Variants in ENGASE observed in about 807,000 individuals in gnomAD.
ENGASE encodes the protein endo-beta-N-acetylglucosaminidase.
A neutral mutation model predicts 78.5 loss-of-function variants in ENGASE; 69 were observed. The observed-to-expected ratio is 0.88, with a 90% CI of 0.72 to 1.07. The LOEUF is 1.07. Ranked by LOEUF, ENGASE falls within the 50% of genes least tolerant of loss-of-function variation. The pLI is 0.00. For missense variants in ENGASE, 943 were observed against 988.4 expected, an observed-to-expected ratio of 0.95 and a Z score of 0.62; for synonymous variants, 408 against 408.9, an observed-to-expected ratio of 1.00 and a Z score of 0.03.
intron 11 of ENGASE, among the ~76,000 whole-genome samples, chr17:79,084,982 A>C (rs959379029): frequency 7.2e-5 from 11 of 151,902 alleles, no homozygotes; most frequent in African/African-American, 2.4e-4. Context: ...TGGCGTGGAG[A>C]GGGGCGAGCA....
Position 79,085,945 on chromosome 17 carries a change from GCCAGCCTGCTGGC to G in ENGASE, c.1831_1843del (p.Ser611LeufsTer55). On this transcript the variant is annotated frameshift_variant, in exon 14 of 14. Transcript: ENST00000579016. LOFTEE classifies it low-confidence loss of function (END_TRUNC). ...TCTCTCCTGCCAGGTGGTGGACGCTGCCAGCCTGCTGGCCCCTCTGCCCCAGGTGCAGGCCGTC... is the reference window on the plus strand; with the variant it reads ...TCTCTCCTGCCAGGTGGTGGACGCTGCCCTCTGCCCCAGGTGCAGGCCGTC... 4 of 1,598,420 alleles carry G rather than the reference GCCAGCCTGCTGGC, an allele frequency of 2.5e-6. No homozygotes were observed. Among genetic ancestry groups the G allele is most frequent in the Non-Finnish European group, 3.4e-6 (4 of 1,176,294 alleles).
Position 79,085,392 on chromosome 17 carries a change from T to G in ENGASE, c.1700+50T>G, listed in dbSNP as rs78654125. On this transcript the variant is annotated intron_variant, in intron 12 of 13. Coordinates refer to ENST00000579016, the MANE Select transcript of ENGASE (RefSeq NM_001042573.3). ...CCTTCTCCCTCACTCAAGTCTCTGT[T>G]GGGAAACCCCAGAGCTGGAGGGATG... is the stretch of plus-strand genomic sequence containing the variant. The G allele has an allele frequency of 6.6e-4, 987 of 1,487,306 alleles. 7 individuals carry two copies. The African/African-American group carries it at 0.012, about 18-fold the overall frequency. The allele number at this position is 1,487,306 out of a possible 1,614,324, so 92.1% of individuals were successfully genotyped here. A position where few individuals can be genotyped will look rare whatever the true frequency, so the allele number is the denominator to read the frequency against.
rs373727535 is a variant in ENGASE at position 79,085,627 on chromosome 17, G to T, written c.1708G>T (p.Glu570Ter). The change falls in exon 13 of 14, where the codon GAG becomes TAG. Residue 570 changes from glutamate (E) to a stop codon, truncating the protein, a stop_gained. Coordinates refer to ENST00000579016, the MANE Select transcript of ENGASE (RefSeq NM_001042573.3). LOFTEE classifies it high-confidence loss of function. ...AGCCCTTTCGCCCCGTAGCTGCTAC[G>T]AGGTGAGCCTGCGTGGGTGCCTGCT... ...LSGGWVQHCY[E>*]VSLRGCLLLD... 2 of 1,613,740 alleles carry T rather than the reference G, an allele frequency of 1.2e-6. No individual in the cohort carries two copies.
At chr17:79,082,527 C>G (rs1335852852) in intron 7 of ENGASE, 4 of 1,212,578 alleles carry the variant, frequency 3.3e-6, no homozygotes, top group Non-Finnish European at 4.2e-6. Context: ...GCAGGTCACA[C>G]CAGCACAGAG....
chr17:79,082,004 G>A lies in ENGASE; in HGVS notation c.979G>A (p.Val327Met), dbSNP rs774118597. 12 of 1,614,120 alleles carry A rather than the reference G, an allele frequency of 7.4e-6. No homozygotes were observed. Among genetic ancestry groups the A allele is most frequent in the East Asian group, 4.5e-5 (2 of 44,896 alleles). The change falls in exon 7 of 14, where the codon GTG becomes ATG. Residue 327 changes from valine to methionine, a missense_variant. Transcript: ENST00000579016. ...QAGERRADVY[V>M]GVDVFARGNV... Reference sequence around the variant, plus strand: ...TGGGGAGCGCCGGGCTGATGTGTACGTGGGCGTGGATGTGTTTGCTCGAGG... The same window carrying A: ...TGGGGAGCGCCGGGCTGATGTGTACATGGGCGTGGATGTGTTTGCTCGAGG...
In ENGASE at chr17:79,083,847, G is replaced by T. The variant is rs768044853; in HGVS notation, c.1338G>T (p.Arg446=). 1 of 1,612,790 alleles carries T rather than the reference G, an allele frequency of 6.2e-7. No homozygotes were observed. The highest frequency in any genetic ancestry group is 1.1e-5 in the South Asian group (1 of 91,040). ...AACACAGGCTGGGAGGGGATGGCCG[G>T]GGCTGGGTGAGGACGCACTGCTGCC... The part of the protein sequence containing the change: ...FGEHRLGGDG[R]GWVRTHCCLE... Residue 446 remains arginine (R), a synonymous_variant, in exon 10 of 14, where the codon CGG becomes CGT. Transcript: ENST00000579016. The surrounding 1 kb of genome is among the most constrained non-coding windows in gnomAD (Gnocchi z 4.9).
intron 4 of ENGASE, 34 bp from the exon 5 acceptor site, chr17:79,080,173 C>T (rs200823742): frequency 1.0e-3 from 1,609 of 1,556,698 alleles, no homozygotes; most frequent in African/African-American, 3.1e-3. Flanking sequence ...AAGTGATTCC[C>T]GTGGCTGACC....
At chr17:79,079,764 T>A in intron 4 of ENGASE, 127 bp downstream of exon 4, 2 of 1,273,206 alleles carry the variant, frequency 1.6e-6, no homozygotes, top group Non-Finnish European at 2.1e-6. Flanking sequence ...GGGGGCCGCC[T>A]TGGTCGGCTA....
At chr17:79,075,209 T>C (rs2145962782) in intron 1 of ENGASE, 119 bp downstream of exon 1, 1 of 1,118,548 alleles carries the variant, frequency 8.9e-7, no homozygotes, top group Non-Finnish European at 1.1e-6. Flanking sequence ...CTGTGTCCGC[T>C]CCGTGCACAG....
chr17:79,077,355 C>T (rs2072992341), intron 1 of ENGASE, 75 bp from the exon 2 acceptor site: 3 of 1,275,686 alleles, frequency 2.4e-6, no homozygotes, highest in African/African-American at 3.0e-5. Context: ...TTAGATGAAA[C>T]TGGTCCATTT....
intron 1 of ENGASE, 103 bp from the exon 2 acceptor site, chr17:79,077,327 G>T: frequency 1.0e-6 from 1 of 995,026 alleles, no homozygotes. Context: ...ACATAAGGCA[G>T]AGAATATCTC....
chr17:79,081,083 C>T lies in ENGASE; in HGVS notation c.872+10C>T. ...TCAACCAGCACAACAGGTGAGCCTG[C>T]AGACAGGTGCTGTGAGGGGGCAGGT... On this transcript the variant is annotated intron_variant, in intron 6 of 13. Transcript: ENST00000579016. 1 of 1,563,280 alleles carries T rather than the reference C, an allele frequency of 6.4e-7. No individual in the cohort carries two copies.
intron 1 of ENGASE, among the ~76,000 whole-genome samples, chr17:79,076,182 C>T (rs2072964210): frequency 6.6e-6 from 1 of 152,158 alleles, no homozygotes; most frequent in Admixed American, 6.5e-5. Context: ...AAGAAGTGGC[C>T]TTGGGCGTTG....
chr17:79,086,936 C>T lies in ENGASE; in HGVS notation c.*587C>T, dbSNP rs755197451. The T allele has an allele frequency of 1.1e-5, 5 of 474,316 alleles. No individual in the cohort carries two copies. The highest frequency in any genetic ancestry group is 3.0e-5 in the South Asian group (2 of 65,698). 29.4% of individuals were successfully genotyped at this position (474,316 alleles called of 1,614,324 possible). A position where few individuals can be genotyped will look rare whatever the true frequency, so the allele number is the denominator to read the frequency against. On this transcript the variant is annotated 3_prime_UTR_variant, in exon 14 of 14. Coordinates refer to ENST00000579016, the MANE Select transcript of ENGASE (RefSeq NM_001042573.3). ...GGAGTGGGCATTCTGGGCCAGCCGG[C>T]GCTGGCTTCGTGCCTCCACGTGGGC...
intron 1 of ENGASE, among the ~76,000 whole-genome samples, chr17:79,076,167 G>A (rs1033305584): frequency 6.6e-6 from 1 of 152,232 alleles, no homozygotes; most frequent in Non-Finnish European, 1.5e-5. Context: ...ACAACTCAGT[G>A]AACAAAGAAG....
In ENGASE at chr17:79,078,292, A is replaced by C. The variant is rs145198735; in HGVS notation, c.416+428A>C. Among the ~76,000 whole-genome samples the C allele has an allele frequency of 3.2e-4, 48 of 152,306 alleles. No homozygotes were observed. In the East Asian group the frequency reaches 7.9e-3, roughly 25 times the overall value. On this transcript the variant is annotated intron_variant, in intron 3 of 13. Coordinates refer to ENST00000579016, the MANE Select transcript of ENGASE (RefSeq NM_001042573.3). The stretch of plus-strand genomic sequence containing the variant: ...GAGGCAGAGATTGCAGTGAGCCAAG[A>C]TTGCACTACTGCACTCCAGCCTGGG...
chr17:79,087,291 A>C lies in ENGASE; in HGVS notation c.*942A>C. The C allele has an allele frequency of 3.0e-6, 1 of 334,874 alleles. No homozygotes were observed. The allele number at this position is 334,874 out of a possible 1,614,324, so 20.7% of individuals were successfully genotyped here. On this transcript the variant is annotated 3_prime_UTR_variant, in exon 14 of 14. Transcript: ENST00000579016. The stretch of plus-strand genomic sequence containing the variant: ...GCTTTTCCAGCTACTCTGTTCCTTC[A>C]CGTCCTCCCTTCTCAGCCTCGTCCA...
chr17:79,077,244 A>G (rs530413462), intron 1 of ENGASE, among the ~76,000 whole-genome samples, 186 bp from the exon 2 acceptor site: 5 of 152,344 alleles, frequency 3.3e-5, no homozygotes, highest in South Asian at 2.1e-4. Context: ...GGTTGCTAAT[A>G]TAGGTAAAAC....
intron 3 of ENGASE, 61 bp downstream of exon 3, chr17:79,077,925 T>TGGG: frequency 1.6e-6 from 1 of 620,762 alleles, no homozygotes; most frequent in Non-Finnish European, 2.7e-6. Context: ...GGGTGGGGGC[T>TGGG]GGAGGGGCGG....
Sources: allele counts gnomAD v4.1 joint callset (sites outside exome capture counted in the v4.1 genomes callset), GRCh38; gene constraint gnomAD v4.1.1; non-coding constraint Gnocchi (gnomAD v3.1); transcripts MANE v1.5; gene names NCBI Gene and HGNC (gene_info 2026-07-23, HGNC 2026-07-21).